Variants in ALK observed in about 807,000 individuals in gnomAD.
ALK encodes ALK receptor tyrosine kinase, also known as ALK tyrosine kinase receptor.
In ALK, 74 loss-of-function variants were observed where a neutral mutation model predicts 163.1. That is an observed-to-expected ratio of 0.45 (90% CI 0.38 to 0.55). The LOEUF (loss-of-function observed/expected upper bound fraction) is 0.55, where lower values mean the gene tolerates loss of function less well. Among genes scored for constraint, ALK ranks in the 20% least tolerant of loss-of-function variants. ALK has a pLI of 0.00. For missense variants in ALK, 2,063 were observed against 2,105.3 expected (o/e 0.98, Z 0.39); for synonymous variants, 960 against 843.2 (o/e 1.14, Z -2.40).
intron 5 of ALK, among the ~76,000 whole-genome samples, chr2:29,328,934 C>T (rs926353157): frequency 3.3e-5 from 5 of 152,304 alleles, no homozygotes; most frequent in Non-Finnish European, 4.4e-5. Context: ...GGTTCTACCA[C>T]TGGAGTGACT....
intron 4 of ALK, among the ~76,000 whole-genome samples, chr2:29,407,867 C>G (rs1222663064): frequency 1.3e-5 from 2 of 152,176 alleles, no homozygotes; most frequent in Non-Finnish European, 2.9e-5. Context: ...CCACCTTTTT[C>G]TACCTCATCT....
intron 1 of ALK, among the ~76,000 whole-genome samples, chr2:29,876,249 A>G (rs1320927571): frequency 2.6e-5 from 4 of 152,210 alleles, no homozygotes; most frequent in Non-Finnish European, 5.9e-5. Context: ...AATGTCTGGC[A>G]CATGATAAAC....
intron 1 of ALK, among the ~76,000 whole-genome samples, chr2:29,816,219 G>T (rs900454092): frequency 1.3e-4 from 20 of 152,168 alleles, no homozygotes; most frequent in African/African-American, 4.8e-4. Flanking sequence ...CATTCATTCA[G>T]GCAAGCAGGA....
Position 29,711,539 on chromosome 2 carries a change from A to G in ALK, c.787+6039T>C, listed in dbSNP as rs141124598. Among the ~76,000 whole-genome samples, 1,206 of 152,122 alleles carry G rather than the reference A, an allele frequency of 7.9e-3. 15 individuals are homozygous for G. Among genetic ancestry groups the G allele is most frequent in the South Asian group, 0.044 (213 of 4,804 alleles). ...ACATGTCTAGAGCACAACTAAGCATACACTCGGCACTCCACGACTGTTGAC... is the reference window on the plus strand; with the variant it reads ...ACATGTCTAGAGCACAACTAAGCATGCACTCGGCACTCCACGACTGTTGAC... On this transcript the variant is annotated intron_variant, in intron 2 of 28. Transcript: ENST00000389048.
chr2:29,678,891 T>G (rs1394188653), intron 3 of ALK, among the ~76,000 whole-genome samples: 3 of 151,756 alleles, frequency 2.0e-5, no homozygotes, highest in Non-Finnish European at 4.4e-5. Context: ...ATTTGTCAGT[T>G]AGGTTGAGTT....
At chr2:29,455,145 G>A (rs1417451517) in intron 4 of ALK, among the ~76,000 whole-genome samples, 6 of 152,134 alleles carry the variant, frequency 3.9e-5, no homozygotes, top group Admixed American at 3.9e-4. Context: ...AGAGAGAGAC[G>A]AGACTTTAAG....
intron 3 of ALK, among the ~76,000 whole-genome samples, chr2:29,544,979 G>A (rs953369340): frequency 2.0e-5 from 3 of 152,148 alleles, no homozygotes; most frequent in East Asian, 1.9e-4. Flanking sequence ...CCAGACTTCT[G>A]TCCAGTAGAA....
At chr2:29,323,831 G>A (rs772637542) in intron 6 of ALK, among the ~76,000 whole-genome samples, 2 of 152,078 alleles carry the variant, frequency 1.3e-5, no homozygotes, top group Non-Finnish European at 2.9e-5. Context: ...CTTCTCATTC[G>A]CCCCAAGCTC....
chr2:29,889,741 GA>G (rs1667095256), intron 1 of ALK, among the ~76,000 whole-genome samples: 15 of 101,616 alleles, frequency 1.5e-4, no homozygotes, highest in African/African-American at 5.0e-4. Context: ...GAGAGAGAGA[GA>G]GAGAGAGAGA....
At chr2:29,701,707 C>T (rs1458918925) in intron 2 of ALK, among the ~76,000 whole-genome samples, 1 of 152,132 alleles carries the variant, frequency 6.6e-6, no homozygotes, top group African/African-American at 2.4e-5. Context: ...AGTAATAACA[C>T]TCGCCAAGGA....
chr2:29,858,101 C>T (rs2148404986), intron 1 of ALK, among the ~76,000 whole-genome samples: 1 of 152,080 alleles, frequency 6.6e-6, no homozygotes, highest in East Asian at 1.9e-4. Context: ...TAGTTCTATG[C>T]AATTTTATCA....
At chr2:29,495,852 T>G (rs1376537604) in intron 4 of ALK, among the ~76,000 whole-genome samples, 2 of 152,246 alleles carry the variant, frequency 1.3e-5, no homozygotes, top group Non-Finnish European at 2.9e-5. Context: ...TAATTAATTA[T>G]GCTGGCACAT....
At chr2:29,783,640 G>A (rs1301148564) in intron 1 of ALK, among the ~76,000 whole-genome samples, 2 of 152,330 alleles carry the variant, frequency 1.3e-5, no homozygotes, top group African/African-American at 4.8e-5. Flanking sequence ...AATCTCTACT[G>A]AGTTTTGCTG....
Position 29,692,074 on chromosome 2 carries a change from A to G in ALK, c.952+2776T>C, listed in dbSNP as rs1263050965. 2.8e-4 allele frequency among the ~76,000 whole-genome samples: 43 copies of G among 152,246 alleles called. 1 individual carries two copies. Among genetic ancestry groups the G allele is most frequent in the Admixed American group, 2.7e-3 (42 of 15,286 alleles). ...TAAGTCTGAATGGGAGTAAGTCAACAGTATTACAAGCCCAGCTATGCCTCA... is the reference window on the plus strand; with the variant it reads ...TAAGTCTGAATGGGAGTAAGTCAACGGTATTACAAGCCCAGCTATGCCTCA... On this transcript the variant is annotated intron_variant, in intron 3 of 28. Transcript: ENST00000389048.
chr2:29,228,784 TGGGCAGGCCAGGGGAGGGCAGGGGA>T (rs889815074), intron 16 of ALK, 75 bp downstream of exon 16: 9 of 812,808 alleles, frequency 1.1e-5, no homozygotes, highest in Non-Finnish European at 1.7e-5. Context: ...AGTCCACACT[TGGGCAGGCCAGGGGAGGGCAGGGGA>T]GGGCAGGGCA....
intron 5 of ALK, among the ~76,000 whole-genome samples, chr2:29,353,736 A>AG (rs1668174568): frequency 6.6e-6 from 1 of 151,988 alleles, no homozygotes; most frequent in Non-Finnish European, 1.5e-5. Flanking sequence ...AAAAAAAAAA[A>AG]GCATTTATTG....
intron 8 of ALK, among the ~76,000 whole-genome samples, chr2:29,306,901 T>C (rs955180458): frequency 1.3e-5 from 2 of 152,240 alleles, no homozygotes; most frequent in South Asian, 2.1e-4. Context: ...CCAGCAATTA[T>C]ATCTTCTGGT....
intron 4 of ALK, among the ~76,000 whole-genome samples, chr2:29,405,181 T>G (rs1389710147): frequency 6.6e-6 from 1 of 152,174 alleles, no homozygotes; most frequent in Non-Finnish European, 1.5e-5. Context: ...CAGCTACACA[T>G]TTTCTTTGTT....
At chr2:29,692,924 C>T (rs1678444820) in intron 3 of ALK, among the ~76,000 whole-genome samples, 2 of 152,226 alleles carry the variant, frequency 1.3e-5, no homozygotes, top group South Asian at 4.1e-4. Flanking sequence ...AAATGAATCA[C>T]AGCCACATGT....
Sources: allele counts gnomAD v4.1 joint callset (sites outside exome capture counted in the v4.1 genomes callset), GRCh38; gene constraint gnomAD v4.1.1; transcripts MANE v1.5; gene names NCBI Gene and HGNC (gene_info 2026-07-23, HGNC 2026-07-21).